MXI1: variants seen among roughly 807,000 people sequenced by gnomAD.
MXI1 encodes max-interacting protein 1.
Under a neutral mutation model 36.9 loss-of-function variants are expected in MXI1, and 18 were observed. The ratio of observed to expected loss-of-function variants is 0.49; its 90% CI spans 0.34 to 0.72. The LOEUF (loss-of-function observed/expected upper bound fraction) is 0.72. Ranked by LOEUF, MXI1 falls within the 30% of genes least tolerant of loss-of-function variation. The pLI is 0.01. For synonymous variants in MXI1, 160 were observed against 146.7 expected (o/e 1.09, Z -0.65); for missense variants, 304 against 379.1 (o/e 0.80, Z 1.64).
intron 1 of MXI1, among the ~76,000 whole-genome samples, chr10:110,212,764 T>A (rs575501860): frequency 1.3e-5 from 2 of 152,324 alleles, no homozygotes; most frequent in South Asian, 4.1e-4. Flanking sequence ...GGCACTGCAC[T>A]TAAATATTTA....
chr10:110,244,145 C>A (rs1855771774), intron 2 of MXI1, among the ~76,000 whole-genome samples: 1 of 152,056 alleles, frequency 6.6e-6, no homozygotes, highest in African/African-American at 2.4e-5. Flanking sequence ...TAGAAGGTAT[C>A]ATTTAAAACA....
chr10:110,276,613 A>ATT (rs36065116), intron 3 of MXI1, among the ~76,000 whole-genome samples: 29 of 150,462 alleles, frequency 1.9e-4, no homozygotes, highest in South Asian at 4.2e-4. Context: ...TAAAGTTAAC[A>ATT]TTTTTTTTTT....
intron 1 of MXI1, among the ~76,000 whole-genome samples, chr10:110,220,010 T>G (rs1265108100): frequency 1.3e-5 from 2 of 152,154 alleles, no homozygotes; most frequent in Non-Finnish European, 2.9e-5. Context: ...AAAAAGACAC[T>G]CCTACAATGT....
In MXI1 at chr10:110,285,294, A is replaced by G. The variant is rs748699464; in HGVS notation, c.*307A>G. 1.3e-4 allele frequency: 30 copies of G among 230,510 alleles called. No individual in the cohort carries two copies. The highest frequency in any genetic ancestry group is 5.9e-4 in the South Asian group (5 of 8,540). 14.3% of individuals were successfully genotyped at this position (230,510 alleles called of 1,614,324 possible). A position where few individuals can be genotyped will look rare whatever the true frequency, so the allele number is the denominator to read the frequency against. On this transcript the variant is annotated 3_prime_UTR_variant, in exon 6 of 6. Transcript: ENST00000332674. ...GAGTTGATTGAGAAGAGGACATTGG[A>G]GATGCCATCCTCTTTCTCTTTTCTA... is the stretch of plus-strand genomic sequence containing the variant.
intron 2 of MXI1, among the ~76,000 whole-genome samples, chr10:110,241,564 T>C (rs557144246): frequency 1.3e-4 from 19 of 151,768 alleles, no homozygotes; most frequent in Non-Finnish European, 2.7e-4. Context: ...TCTCTCTCTG[T>C]AATATACTCC....
At chr10:110,229,158 A>G (rs556673388) in intron 2 of MXI1, among the ~76,000 whole-genome samples, 1 of 152,372 alleles carries the variant, frequency 6.6e-6, no homozygotes, top group South Asian at 2.1e-4. Flanking sequence ...CTAGGGAGCC[A>G]GTGAATTCCT....
chr10:110,229,248 G>C (rs1855172637), intron 2 of MXI1, among the ~76,000 whole-genome samples: 3 of 152,172 alleles, frequency 2.0e-5, no homozygotes. Flanking sequence ...CATTGATAAG[G>C]GGAATTAAAT....
chr10:110,213,260 G>A (rs1238096662), intron 1 of MXI1, among the ~76,000 whole-genome samples: 3 of 152,178 alleles, frequency 2.0e-5, no homozygotes, highest in African/African-American at 7.2e-5. Flanking sequence ...GAAATCGAGG[G>A]CTTTGATGGC....
intron 1 of MXI1, among the ~76,000 whole-genome samples, chr10:110,221,272 C>T (rs1188827730): frequency 2.0e-5 from 3 of 152,212 alleles, no homozygotes; most frequent in Non-Finnish European, 4.4e-5. Flanking sequence ...AGCTGTTGGC[C>T]TTGGGCAAGT....
intron 2 of MXI1, among the ~76,000 whole-genome samples, chr10:110,231,364 C>CG (rs1168824403): frequency 1.6e-5 from 2 of 124,620 alleles, no homozygotes; most frequent in African/African-American, 3.0e-5. Flanking sequence ...GATAATCCAC[C>CG]CCCCCCCCCT....
chr10:110,240,127 G>A (rs1198889205), intron 2 of MXI1, among the ~76,000 whole-genome samples: 1 of 151,914 alleles, frequency 6.6e-6, no homozygotes, highest in Non-Finnish European at 1.5e-5. Flanking sequence ...TCATTGCTGT[G>A]TAATATTACA....
chr10:110,214,299 G>A (rs749556810), intron 1 of MXI1, among the ~76,000 whole-genome samples: 4 of 152,166 alleles, frequency 2.6e-5, no homozygotes, highest in Non-Finnish European at 5.9e-5. Context: ...AAAAGGTTTC[G>A]AAGTGAGGCT....
rs1167987902 is a variant in MXI1, at chr10:110,207,831, G to T, written c.23G>T (p.Arg8Leu). MGKRGRP[R>L]KEARCEGAGL... ...TCCATGGGCAAACGCGGGCGGCCGC[G>T]CAAGGAGGCGCGCTGCGAGGGCGCG... The change falls in exon 1 of 6, where the codon CGC becomes CTC. Residue 8 changes from arginine to leucine, a missense_variant. By Grantham distance (102) the Arg-to-Leu change is moderately radical. Around this residue, in one of 2 missense-constraint regions of MXI1, gnomAD observed 179 missense variants for 184.8 expected, o/e 0.97. Coordinates refer to ENST00000332674, the MANE Select transcript of MXI1 (RefSeq NM_130439.3). 50 of 1,123,700 alleles carry T rather than the reference G, an allele frequency of 4.4e-5. No individual in the cohort carries two copies. Among genetic ancestry groups the T allele is most frequent in the African/African-American group, 6.7e-5 (4 of 59,956 alleles). 69.6% of individuals were successfully genotyped at this position (1,123,700 alleles called of 1,614,324 possible). A position where few individuals can be genotyped will look rare whatever the true frequency, so the allele number is the denominator to read the frequency against.
At chr10:110,257,286 C>G (rs1319996963) in intron 3 of MXI1, 1 of 149,686 alleles carries the variant, frequency 6.7e-6, no homozygotes, top group Non-Finnish European at 1.5e-5. Flanking sequence ...TGTACACAAA[C>G]AAGTTAAGGG....
chr10:110,245,074 G>A (rs1855814559), intron 3 of MXI1, among the ~76,000 whole-genome samples: 1 of 152,060 alleles, frequency 6.6e-6, no homozygotes, highest in Non-Finnish European at 1.5e-5. Flanking sequence ...AAGCTTACTC[G>A]AATTTGAGTT....
intron 3 of MXI1, among the ~76,000 whole-genome samples, chr10:110,278,728 G>A (rs986899112): frequency 9.0e-5 from 13 of 144,220 alleles, no homozygotes; most frequent in Non-Finnish European, 1.3e-4. Context: ...GTGTGTGTGT[G>A]CCCACACACG....
At chr10:110,260,383 C>T (rs1856465306) in intron 3 of MXI1, among the ~76,000 whole-genome samples, 1 of 151,274 alleles carries the variant, frequency 6.6e-6, no homozygotes, top group South Asian at 2.1e-4. Context: ...TTAGTTGTTA[C>T]TCTGCTGTTT....
rs36005124 is a variant in MXI1, at chr10:110,255,793, C to CT, written c.437+10945dup. ...CAAGCCCTATGAAAGTTCCAGCTTC[C>CT]TTTTTTTTTGCAGAAATTGACAGCT... On this transcript the variant is annotated intron_variant, in intron 3 of 5. Transcript: ENST00000332674. 9.7e-4 allele frequency among the ~76,000 whole-genome samples: 147 copies of CT among 150,770 alleles called. 1 individual carries two copies. The highest frequency in any genetic ancestry group is 1.9e-3 in the South Asian group (9 of 4,766).
At chr10:110,222,956 A>G (rs1854854820) in intron 1 of MXI1, among the ~76,000 whole-genome samples, 2 of 152,218 alleles carry the variant, frequency 1.3e-5, no homozygotes, top group Admixed American at 1.3e-4. Flanking sequence ...TTGCTTTTAG[A>G]AAAGGCTGGA....
Sources: gnomAD v4.1 joint callset for allele counts (sites outside exome capture counted in the v4.1 genomes callset) on GRCh38, gnomAD v4.1.1 for gene constraint, gnomAD v4.1.1 regional missense constraint, MANE v1.5 for transcripts, NCBI Gene and HGNC (gene_info 2026-07-23, HGNC 2026-07-21) for gene names.